RHOJ: variants seen among roughly 807,000 people sequenced by gnomAD.
RHOJ encodes the protein rho-related GTP-binding protein RhoJ.
Under a neutral mutation model 23.4 loss-of-function variants are expected in RHOJ, and 11 were observed. The ratio of observed to expected loss-of-function variants is 0.47; its 90% confidence interval spans 0.30 to 0.78. RHOJ has a LOEUF of 0.78. Ranked by LOEUF, RHOJ falls within the 30% of genes least tolerant of loss-of-function variation. The pLI is 0.08. For missense variants in RHOJ, 254 were observed against 273.4 expected, an observed-to-expected ratio of 0.93 and a Z score of 0.50; for synonymous variants, 102 against 102.7, an observed-to-expected ratio of 0.99 and a Z score of 0.04.
intron 2 of RHOJ, among the ~76,000 whole-genome samples, chr14:63,275,648 G>A (rs1014162686): frequency 6.6e-6 from 1 of 152,106 alleles, no homozygotes; most frequent in African/African-American, 2.4e-5. Context: ...TAGCCTCTTT[G>A]TCTACTTTAC....
intron 1 of RHOJ, among the ~76,000 whole-genome samples, chr14:63,247,653 G>A (rs866749088): frequency 6.6e-6 from 1 of 152,034 alleles, no homozygotes; most frequent in South Asian, 2.1e-4. Context: ...TAATGATAGG[G>A]GCATCATCAT....
At chr14:63,282,683 A>G (rs1228537964) in intron 3 of RHOJ, among the ~76,000 whole-genome samples, 1 of 115,204 alleles carries the variant, frequency 8.7e-6, no homozygotes, top group African/African-American at 5.5e-5. Flanking sequence ...TGGAAAAGCG[A>G]AAAAAAAAAA....
intron 1 of RHOJ, among the ~76,000 whole-genome samples, chr14:63,245,652 T>C (rs1894963988): frequency 6.6e-6 from 1 of 151,760 alleles, no homozygotes; most frequent in Admixed American, 6.6e-5. Context: ...AGACCCTGTC[T>C]CAAAAAAAGA....
At chr14:63,245,171 T>C (rs1894954803) in intron 1 of RHOJ, among the ~76,000 whole-genome samples, 1 of 152,208 alleles carries the variant, frequency 6.6e-6, no homozygotes, top group Non-Finnish European at 1.5e-5. Context: ...AAAAACTCTG[T>C]AAGCATCAGG....
chr14:63,277,279 G>A (rs1302694490), intron 2 of RHOJ, among the ~76,000 whole-genome samples: 1 of 152,172 alleles, frequency 6.6e-6, no homozygotes, highest in Admixed American at 6.5e-5. Context: ...GATGCAATGA[G>A]AACATACATA....
chr14:63,250,799 C>T (rs1354143802), intron 1 of RHOJ, among the ~76,000 whole-genome samples: 2 of 152,086 alleles, frequency 1.3e-5, no homozygotes, highest in Admixed American at 1.3e-4. Flanking sequence ...TTTGGGAGAC[C>T]AAGGTAGGCA....
At chr14:63,235,098 A>T (rs922844864) in intron 1 of RHOJ, among the ~76,000 whole-genome samples, 2 of 152,080 alleles carry the variant, frequency 1.3e-5, no homozygotes, top group Admixed American at 1.3e-4. Context: ...TAATATGCCA[A>T]ACTAAGTTCT....
At chr14:63,278,843 G>C (rs1594776666) in intron 2 of RHOJ, among the ~76,000 whole-genome samples, 2 of 152,042 alleles carry the variant, frequency 1.3e-5, no homozygotes, top group Non-Finnish European at 2.9e-5. Flanking sequence ...AAAATTGGCT[G>C]GGTGTGGTGG....
intron 4 of RHOJ, chr14:63,288,192 G>A (rs1882142516): frequency 1.0e-6 from 1 of 985,282 alleles, no homozygotes; most frequent in Admixed American, 6.1e-5. Context: ...CTTCAGAAAT[G>A]TCTGAATTGG....
At chr14:63,213,479 A>G (rs534891008) in intron 1 of RHOJ, among the ~76,000 whole-genome samples, 2 of 152,294 alleles carry the variant, frequency 1.3e-5, no homozygotes, top group South Asian at 4.1e-4. Context: ...ATTCTTTTTA[A>G]TGGCTACATA....
chr14:63,219,399 T>G (rs2139735439), intron 1 of RHOJ, among the ~76,000 whole-genome samples: 1 of 152,324 alleles, frequency 6.6e-6, no homozygotes, highest in African/African-American at 2.4e-5. Flanking sequence ...CTTTTTTTTT[T>G]CATTTCATGG....
At chr14:63,266,333 G>A (rs1314971869) in intron 1 of RHOJ, among the ~76,000 whole-genome samples, 1 of 152,114 alleles carries the variant, frequency 6.6e-6, no homozygotes, top group Non-Finnish European at 1.5e-5. Flanking sequence ...CCAAAGGGAG[G>A]AGAGTATGAT....
At chr14:63,290,233 T>G (rs952328443) in intron 4 of RHOJ, among the ~76,000 whole-genome samples, 3 of 152,032 alleles carry the variant, frequency 2.0e-5, no homozygotes, top group Admixed American at 6.6e-5. Context: ...AAGAGCGAAA[T>G]CCATCTCAAA....
intron 1 of RHOJ, among the ~76,000 whole-genome samples, chr14:63,257,621 G>A (rs1420355599): frequency 3.3e-5 from 5 of 149,738 alleles, no homozygotes; most frequent in Non-Finnish European, 5.9e-5. Context: ...AGTAGCCCAC[G>A]GCTCCCTACA....
rs141109218 is a variant in RHOJ at position 63,221,601 on chromosome 14, G to T, written c.178+16554G>T. Among the ~76,000 whole-genome samples the T allele has an allele frequency of 2.0e-5, 3 of 152,314 alleles. 1 individual carries two copies. The highest frequency in any genetic ancestry group is 7.2e-5 in the African/African-American group (3 of 41,568). On this transcript the variant is annotated intron_variant, in intron 1 of 4. Coordinates refer to ENST00000316754, the MANE Select transcript of RHOJ (RefSeq NM_020663.5). ...TCCCCAGTGATGAGAACTGTGTTAC[G>T]CATCTCCCATGGATGTGCCCAAGGA...
chr14:63,291,210 C>T lies in RHOJ; in HGVS notation c.*186C>T. 1.5e-6 allele frequency: 1 copy of T among 681,230 alleles called. No individual in the cohort carries two copies. The highest frequency in any genetic ancestry group is 2.6e-6 in the Non-Finnish European group (1 of 381,582). 42.2% of individuals were successfully genotyped at this position (681,230 alleles called of 1,614,324 possible). ...TCAGCCCACTGCCACGACCTCCCTG[C>T]CAGCCAGAAGCATCCGTACTGCACG... On this transcript the variant is annotated 3_prime_UTR_variant, in exon 5 of 5. Coordinates refer to ENST00000316754, the MANE Select transcript of RHOJ (RefSeq NM_020663.5).
intron 1 of RHOJ, among the ~76,000 whole-genome samples, chr14:63,225,845 GA>G (rs1374613638): frequency 6.6e-6 from 1 of 152,146 alleles, no homozygotes; most frequent in East Asian, 1.9e-4. Flanking sequence ...AAGAGGTTCA[GA>G]AAAAAGATTA....
intron 4 of RHOJ, among the ~76,000 whole-genome samples, chr14:63,283,898 C>G (rs535976578): frequency 1.3e-5 from 2 of 152,152 alleles, no homozygotes; most frequent in African/African-American, 4.8e-5. Context: ...CTTTGCCTCC[C>G]CCATTACCCC....
intron 1 of RHOJ, among the ~76,000 whole-genome samples, chr14:63,261,953 G>A (rs1895280359): frequency 6.6e-6 from 1 of 152,080 alleles, no homozygotes; most frequent in South Asian, 2.1e-4. Flanking sequence ...AAGCAGCTTT[G>A]TGGTACTACA....
Sources: allele counts gnomAD v4.1 joint callset (sites outside exome capture counted in the v4.1 genomes callset), GRCh38; gene constraint gnomAD v4.1.1; transcripts MANE v1.5; gene names NCBI Gene and HGNC (gene_info 2026-07-23, HGNC 2026-07-21).